The following LCA5L variants were observed in gnomAD, a reference collection of about 807,000 sequenced individuals.
The protein encoded by LCA5L is lebercilin-like protein.
A neutral mutation model predicts 45.4 loss-of-function variants in LCA5L; 35 were observed. The ratio of observed to expected loss-of-function variants is 0.77; its 90% CI spans 0.59 to 1.02. LCA5L has a LOEUF of 1.02. LCA5L is among the 50% of genes least tolerant of loss of function. The pLI, the probability that LCA5L is intolerant of heterozygous loss-of-function variation, is 0.00. For synonymous variants in LCA5L, 233 were observed against 264.7 expected (o/e 0.88, Z 1.16); for missense variants, 668 against 761.6 (o/e 0.88, Z 1.45).
Position 39,406,128 on chromosome 21 carries a change from T to A in LCA5L, c.1767A>T (p.Thr589=), listed in dbSNP as rs1326415204. 13 of 1,614,142 alleles carry A rather than the reference T, an allele frequency of 8.1e-6. No homozygotes were observed. In the East Asian group the frequency reaches 2.9e-4, roughly 36 times the overall value. Residue 589 remains threonine, a synonymous_variant, in exon 11 of 11, where the codon ACA becomes ACT. Transcript: ENST00000288350. ...GACTGCTTTTCTTATCTCTGAAAGT[T>A]GTATCCTTCACTTTTATTCTGGAAG... ...GKSSRIKVKD[T]TFRDKKSSLM... is the part of the protein sequence containing the mutation.
chr21:39,434,857 C>A lies in LCA5L; in HGVS notation c.-92+563G>T, dbSNP rs115213631. On this transcript the variant is annotated intron_variant, in intron 3 of 10. Coordinates refer to ENST00000288350, the MANE Select transcript of LCA5L (RefSeq NM_152505.4). ...TTAATTAATATGTTCAGTCAAAGAA[C>A]ATTTATTTAGTGTCTTCCAGGGTCT... is the stretch of plus-strand genomic sequence containing the variant. 4.2e-3 allele frequency among the ~76,000 whole-genome samples: 645 copies of A among 152,238 alleles called. 4 individuals carry two copies. Among genetic ancestry groups the A allele is most frequent in the African/African-American group, 0.015 (631 of 41,544 alleles).
chr21:39,444,465 C>G (rs2077211693), intron 1 of LCA5L, among the ~76,000 whole-genome samples: 1 of 152,162 alleles, frequency 6.6e-6, no homozygotes, highest in South Asian at 2.1e-4. Context: ...AAATACTGCA[C>G]TTTTACCTAT....
Position 39,410,079 on chromosome 21 carries a change from T to G in LCA5L, c.1182A>C (p.Gly394=). ...PLTTKGKKAT[G]NIDHKEKSTE... is the part of the protein sequence containing the mutation. ...TTGATTTTTCTTTATGATCGATGTT[T>G]CCTGTTGCCTTTTTACCCTGTAATT... The change falls in exon 10 of 11, where the codon GGA becomes GGC. Residue 394 remains glycine (G), a synonymous_variant. Coordinates refer to ENST00000288350, the MANE Select transcript of LCA5L (RefSeq NM_152505.4). 6.2e-7 allele frequency: 1 copy of G among 1,609,964 alleles called. No homozygotes were observed. The highest frequency in any genetic ancestry group is 8.5e-7 in the Non-Finnish European group (1 of 1,176,744).
At chr21:39,414,159 G>GC (rs758554828) in intron 7 of LCA5L, 2 of 152,280 alleles carry the variant, frequency 1.3e-5, no homozygotes, top group Non-Finnish European at 2.9e-5. Context: ...AATACTCAGC[G>GC]CAAAGCCTGC....
chr21:39,422,310 A>T (rs1432883792), intron 6 of LCA5L: 4 of 152,254 alleles, frequency 2.6e-5, no homozygotes, highest in African/African-American at 7.2e-5. Flanking sequence ...TATGCAGGAG[A>T]ATTCTTAATA....
chr21:39,424,558 G>A (rs1177744032), intron 5 of LCA5L, among the ~76,000 whole-genome samples: 1 of 152,122 alleles, frequency 6.6e-6, no homozygotes, highest in Non-Finnish European at 1.5e-5. Flanking sequence ...TAAACTAAAT[G>A]CTTTCTGTAG....
chr21:39,426,102 T>C (rs767990398), intron 5 of LCA5L: 1 of 152,216 alleles, frequency 6.6e-6, no homozygotes, highest in Non-Finnish European at 1.5e-5. Context: ...GCCCTTTCCA[T>C]GTCCCTGCCC....
At chr21:39,407,344 A>G (rs950423472) in intron 10 of LCA5L, among the ~76,000 whole-genome samples, 1 of 152,172 alleles carries the variant, frequency 6.6e-6, no homozygotes, top group Non-Finnish European at 1.5e-5. Flanking sequence ...AAGATGGGGA[A>G]ATTGGAATGT....
rs772194183 is a variant in LCA5L at position 39,410,305 on chromosome 21, G to A, written c.1123C>T (p.Gln375Ter). 5.6e-6 allele frequency: 9 copies of A among 1,610,452 alleles called. No individual in the cohort carries two copies. In the Admixed American group the frequency reaches 6.7e-5, roughly 12 times the overall value. ...GGAACATCTGATTTTTGGGTTCCCT[G>A]GTGTCTCATACTTGTGAATGGCAAA... ...KILPFTSMRHQGTQKSDVPPL... is the reference protein window; with the variant it reads ...KILPFTSMRH The change falls in exon 9 of 11, where the codon CAG becomes TAG. Residue 375 changes from glutamine (Q) to a stop codon, truncating the protein, a stop_gained. Transcript: ENST00000288350. LOFTEE classifies it high-confidence loss of function.
intron 3 of LCA5L, among the ~76,000 whole-genome samples, chr21:39,434,364 T>A (rs1316698319): frequency 6.6e-6 from 1 of 152,230 alleles, no homozygotes; most frequent in Non-Finnish European, 1.5e-5. Context: ...GGCCTATAAC[T>A]GTACTTTTAA....
intron 3 of LCA5L, among the ~76,000 whole-genome samples, 189 bp downstream of exon 3, chr21:39,435,231 A>G (rs2076179328): frequency 6.6e-6 from 1 of 152,234 alleles, no homozygotes; most frequent in Non-Finnish European, 1.5e-5. Context: ...AGGGATGGCT[A>G]CTTAAAAGAA....
At chr21:39,418,494 T>A (rs556171998) in intron 7 of LCA5L, among the ~76,000 whole-genome samples, 173 of 152,274 alleles carry the variant, frequency 1.1e-3, no homozygotes, top group Non-Finnish European at 2.2e-3. Context: ...TGGTTATTTT[T>A]ATTTTATTTT....
At chr21:39,434,241 T>G (rs543758707) in intron 3 of LCA5L, among the ~76,000 whole-genome samples, 1 of 152,234 alleles carries the variant, frequency 6.6e-6, no homozygotes, top group African/African-American at 2.4e-5. Context: ...GCTATTACTA[T>G]AGTTGGCAAT....
intron 1 of LCA5L, among the ~76,000 whole-genome samples, chr21:39,445,142 C>CA (rs2077326136): frequency 6.6e-6 from 1 of 151,986 alleles, no homozygotes; most frequent in African/African-American, 2.4e-5. Flanking sequence ...TTAAGTGTGG[C>CA]AACGAAACGT....
intron 7 of LCA5L, among the ~76,000 whole-genome samples, chr21:39,412,774 C>A (rs1472495214): frequency 6.6e-6 from 1 of 152,128 alleles, no homozygotes; most frequent in African/African-American, 2.4e-5. Flanking sequence ...AATTGCAAGC[C>A]CCTTAAAAAG....
chr21:39,417,849 T>C (rs1294590851), intron 7 of LCA5L, among the ~76,000 whole-genome samples: 1 of 152,174 alleles, frequency 6.6e-6, no homozygotes. Context: ...CACTGCAAGC[T>C]CCGCCTCCCG....
At chr21:39,441,644 C>T (rs538937929) in intron 2 of LCA5L, among the ~76,000 whole-genome samples, 15 of 152,114 alleles carry the variant, frequency 9.9e-5, no homozygotes, top group Non-Finnish European at 1.8e-4. Context: ...ATTCACTACC[C>T]GACTGACACC....
chr21:39,408,867 CT>C (rs1286073425), intron 10 of LCA5L, among the ~76,000 whole-genome samples: 1 of 152,130 alleles, frequency 6.6e-6, no homozygotes, highest in East Asian at 1.9e-4. Context: ...AGCTGGGGTC[CT>C]TTTTCTGGAA....
intron 3 of LCA5L, among the ~76,000 whole-genome samples, chr21:39,430,423 G>A (rs1284808081): frequency 1.3e-5 from 2 of 152,152 alleles, no homozygotes; most frequent in African/African-American, 2.4e-5. Context: ...TTCACAAATT[G>A]TCCAGCTACA....
Sources: allele counts gnomAD v4.1 joint callset (sites outside exome capture counted in the v4.1 genomes callset), GRCh38; gene constraint gnomAD v4.1.1; transcripts MANE v1.5; gene names NCBI Gene and HGNC (gene_info 2026-07-23, HGNC 2026-07-21).